Variants in RCOR1 observed in about 807,000 individuals in gnomAD.
RCOR1 encodes REST corepressor.
RCOR1 carries 12 observed loss-of-function variants against 64.0 expected under a neutral mutation model. The observed-to-expected ratio is 0.19, with a 90% CI of 0.12 to 0.30. The LOEUF is 0.30. Among genes scored for constraint, RCOR1 ranks in the 10% least tolerant of loss-of-function variants. RCOR1 has a pLI of 1.00. For missense variants in RCOR1, 502 were observed against 621.2 expected (o/e 0.81, Z 2.04); for synonymous variants, 279 against 227.2 (o/e 1.23, Z -2.05).
chr14:102,596,640 C>T (rs2035334731), intron 2 of RCOR1, among the ~76,000 whole-genome samples: 1 of 152,038 alleles, frequency 6.6e-6, no homozygotes. Context: ...TCTTGGCTCA[C>T]TGCAACCTCC....
chr14:102,710,507 C>T (rs970345773), intron 6 of RCOR1, among the ~76,000 whole-genome samples: 2 of 152,124 alleles, frequency 1.3e-5, no homozygotes, highest in African/African-American at 4.8e-5. Context: ...GATTTTTTTA[C>T]TGTTAGCAGG....
intron 3 of RCOR1, among the ~76,000 whole-genome samples, chr14:102,700,707 G>A (rs191046909): frequency 6.6e-6 from 1 of 152,292 alleles, no homozygotes; most frequent in African/African-American, 2.4e-5. Context: ...AGGTGATACT[G>A]CTGTTAATAT....
Position 102,657,880 on chromosome 14 carries a change from C to T in RCOR1, c.362-24015C>T, listed in dbSNP as rs1475252194. 7 of 969,836 alleles carry T rather than the reference C, an allele frequency of 7.2e-6. No individual in the cohort carries two copies. In the African/African-American group the frequency reaches 1.1e-4, roughly 15 times the overall value. 60.1% of individuals were successfully genotyped at this position (969,836 alleles called of 1,614,324 possible). On this transcript the variant is annotated intron_variant, in intron 2 of 11. Transcript: ENST00000262241. ...AAAAGAAGATTGAATTAAGGGCAAA[C>T]TTGGAACAGGCCAGTTTCCCATTAT... is the stretch of plus-strand genomic sequence containing the variant.
intron 2 of RCOR1, among the ~76,000 whole-genome samples, chr14:102,676,597 T>G (rs1595224973): frequency 1.4e-5 from 1 of 73,366 alleles, no homozygotes; most frequent in African/African-American, 6.1e-5. Context: ...GAGGCGCCCC[T>G]CACCTCCCGG....
At chr14:102,690,902 T>A (rs1258372369) in intron 3 of RCOR1, among the ~76,000 whole-genome samples, 1 of 152,222 alleles carries the variant, frequency 6.6e-6, no homozygotes, top group Non-Finnish European at 1.5e-5. Context: ...AAATAAGTTA[T>A]TGAATGAATG....
intron 3 of RCOR1, among the ~76,000 whole-genome samples, chr14:102,698,154 C>A (rs1470977375): frequency 6.6e-6 from 1 of 152,202 alleles, no homozygotes; most frequent in African/African-American, 2.4e-5. Flanking sequence ...TCTTGTTGTT[C>A]CTGTCACCAG....
intron 2 of RCOR1, among the ~76,000 whole-genome samples, chr14:102,608,686 C>T (rs1016408654): frequency 5.3e-5 from 8 of 151,976 alleles, no homozygotes; most frequent in South Asian, 2.1e-4. Context: ...ACACCTGTCT[C>T]GGCCTCCCAA....
At chr14:102,625,231 C>CTTT (rs61403856) in intron 2 of RCOR1, among the ~76,000 whole-genome samples, 1,308 of 79,018 alleles carry the variant, frequency 0.017, 17 homozygotes, top group Middle Eastern at 0.054. Context: ...TATCTTGTTA[C>CTTT]TTTTTTTTTT....
chr14:102,723,963 C>T (rs776281452), intron 11 of RCOR1, among the ~76,000 whole-genome samples: 5 of 152,138 alleles, frequency 3.3e-5, no homozygotes, highest in African/African-American at 4.8e-5. Flanking sequence ...AGTTGTTGTG[C>T]ATATGTTTTT....
At chr14:102,713,297 C>T (rs1207951518) in intron 7 of RCOR1, among the ~76,000 whole-genome samples, 15 of 127,506 alleles carry the variant, frequency 1.2e-4, no homozygotes, top group African/African-American at 3.6e-4. Context: ...CTCACTGTGT[C>T]GCCCAGGCTG....
rs143287356 is a variant in RCOR1, at chr14:102,692,876, G to A, written c.446-8402G>A. On this transcript the variant is annotated intron_variant, in intron 3 of 11. Coordinates refer to ENST00000262241, the MANE Select transcript of RCOR1 (RefSeq NM_015156.4). ...CGCCTCCCAGGTTCAAGCAATTCTC[G>A]TGCCTCAGCCTCCCGAGTAGCTGGA... is the stretch of plus-strand genomic sequence containing the variant. Among the ~76,000 whole-genome samples the A allele has an allele frequency of 6.1e-3, 912 of 149,062 alleles. 13 individuals are homozygous for A. Among genetic ancestry groups the A allele is most frequent in the African/African-American group, 0.021 (865 of 40,410 alleles).
rs35481023 is a variant in RCOR1 at position 102,621,367 on chromosome 14, C to CTTTTTTTTTTT, written c.361+28058_361+28068dup. Among the ~76,000 whole-genome samples, 14 of 78,516 alleles carry CTTTTTTTTTTT rather than the reference C, an allele frequency of 1.8e-4. 2 individuals are homozygous for CTTTTTTTTTTT. Among genetic ancestry groups the CTTTTTTTTTTT allele is most frequent in the African/African-American group, 6.6e-4 (13 of 19,636 alleles). The allele number at this position is 78,516 out of a possible 152,430, so 51.5% of individuals were successfully genotyped here. Reference sequence around the variant, plus strand: ...AACTGTCTTGCACACCAGTCTTTGTCTTTTTTTTTTTTTTTTTTTTTTTTT... The same window carrying CTTTTTTTTTTT: ...AACTGTCTTGCACACCAGTCTTTGTCTTTTTTTTTTTTTTTTTTTTTTTTTTTTTTTTTTTT... On this transcript the variant is annotated intron_variant, in intron 2 of 11. Transcript: ENST00000262241.
chr14:102,639,772 A>G (rs1240001890), intron 2 of RCOR1, among the ~76,000 whole-genome samples: 1 of 151,314 alleles, frequency 6.6e-6, no homozygotes, highest in Non-Finnish European at 1.5e-5. Context: ...GCCTCAGAAG[A>G]TCTGCCCACC....
chr14:102,701,877 A>G lies in RCOR1; in HGVS notation c.498+547A>G, dbSNP rs146770812. Among the ~76,000 whole-genome samples, 760 of 152,236 alleles carry G rather than the reference A, an allele frequency of 5.0e-3. 5 individuals are homozygous for G. Among genetic ancestry groups the G allele is most frequent in the African/African-American group, 0.017 (707 of 41,542 alleles). On this transcript the variant is annotated intron_variant, in intron 4 of 11. Transcript: ENST00000262241. ...CAAGTAGCTGAGATTACAGGTGCAC[A>G]CCACCACGCCTGGCTAATTTTTGTA...
At chr14:102,655,901 C>G in intron 2 of RCOR1, 1 of 831,010 alleles carries the variant, frequency 1.2e-6, no homozygotes, top group Non-Finnish European at 1.4e-6. Flanking sequence ...TGCGGTCAGT[C>G]GAGATCGCGC....
chr14:102,617,848 A>G (rs1192714955), intron 2 of RCOR1, among the ~76,000 whole-genome samples: 1 of 151,882 alleles, frequency 6.6e-6, no homozygotes, highest in Non-Finnish European at 1.5e-5. Flanking sequence ...TCGGCTTCCC[A>G]CAGTCCTGGG....
chr14:102,687,145 T>G (rs1895438421), intron 3 of RCOR1, among the ~76,000 whole-genome samples: 1 of 152,190 alleles, frequency 6.6e-6, no homozygotes, highest in East Asian at 1.9e-4. Flanking sequence ...TGTCTGGGAA[T>G]GTACCAGGAG....
At chr14:102,668,848 G>A (rs1209360619) in intron 2 of RCOR1, among the ~76,000 whole-genome samples, 3 of 152,086 alleles carry the variant, frequency 2.0e-5, no homozygotes, top group Admixed American at 1.3e-4. Flanking sequence ...ATTTTTTCCC[G>A]TAAATTTAGG....
intron 3 of RCOR1, among the ~76,000 whole-genome samples, chr14:102,689,394 G>GT (rs1217237285): frequency 1.3e-5 from 2 of 152,066 alleles, no homozygotes; most frequent in Non-Finnish European, 2.9e-5. Flanking sequence ...CTTGTCTGTT[G>GT]TTTATAGTCT....
Sources: allele counts gnomAD v4.1 joint callset (sites outside exome capture counted in the v4.1 genomes callset), GRCh38; gene constraint gnomAD v4.1.1; transcripts MANE v1.5; gene names NCBI Gene and HGNC (gene_info 2026-07-23, HGNC 2026-07-21).